The following GPC5 variants were observed in gnomAD, a reference collection of about 807,000 sequenced individuals.
GPC5 encodes the protein glypican-5.
GPC5 carries 47 observed loss-of-function variants against 53.9 expected under a neutral mutation model. The ratio of observed to expected loss-of-function variants is 0.87; its 90% CI spans 0.69 to 1.11. The LOEUF (loss-of-function observed/expected upper bound fraction) is 1.11. Among genes scored for constraint, GPC5 ranks in the 50% most tolerant of loss-of-function variants. The pLI, the probability that GPC5 is intolerant of heterozygous loss-of-function variation, is 0.00. For missense variants in GPC5, 748 were observed against 713.1 expected, an observed-to-expected ratio of 1.05 and a Z score of -0.56; for synonymous variants, 286 against 263.3, an observed-to-expected ratio of 1.09 and a Z score of -0.84.
At chr13:92,392,720 A>G (rs1026938309) in intron 7 of GPC5, among the ~76,000 whole-genome samples, 2 of 152,140 alleles carry the variant, frequency 1.3e-5, no homozygotes, top group African/African-American at 2.4e-5. Context: ...AAACAACCCT[A>G]TTAAAAAGTG....
chr13:91,687,166 T>G (rs1272513659), intron 2 of GPC5, among the ~76,000 whole-genome samples: 1 of 151,982 alleles, frequency 6.6e-6, no homozygotes, highest in Non-Finnish European at 1.5e-5. Context: ...CTTTTAGAAG[T>G]CAACTTTATC....
chr13:91,600,182 A>G (rs968226756), intron 2 of GPC5, among the ~76,000 whole-genome samples: 4 of 152,146 alleles, frequency 2.6e-5, no homozygotes, highest in Non-Finnish European at 5.9e-5. Context: ...TGGCCTCCCA[A>G]AGTGCTGTGA....
At chr13:91,888,348 C>T (rs561900252) in intron 5 of GPC5, among the ~76,000 whole-genome samples, 92 of 152,290 alleles carry the variant, frequency 6.0e-4, no homozygotes, top group African/African-American at 2.2e-3. Flanking sequence ...CAATTCAAGA[C>T]GAAATTTGGG....
intron 7 of GPC5, among the ~76,000 whole-genome samples, chr13:92,322,964 C>T (rs1373452988): frequency 3.3e-5 from 5 of 150,688 alleles, no homozygotes; most frequent in Non-Finnish European, 1.5e-5. Flanking sequence ...AAGGAGGAGA[C>T]AAAAAAAGGC....
At chr13:92,291,829 G>A (rs183162092) in intron 7 of GPC5, among the ~76,000 whole-genome samples, 2 of 151,910 alleles carry the variant, frequency 1.3e-5, no homozygotes, top group Admixed American at 1.3e-4. Flanking sequence ...AACTCCAGAC[G>A]CACTGCCTTA....
At chr13:91,987,789 A>T (rs1022535168) in intron 6 of GPC5, among the ~76,000 whole-genome samples, 69 of 145,446 alleles carry the variant, frequency 4.7e-4, no homozygotes, top group African/African-American at 1.7e-3. Context: ...TATATATAGT[A>T]TTATATTATG....
At chr13:91,839,584 A>G (rs1393022496) in intron 5 of GPC5, among the ~76,000 whole-genome samples, 1 of 152,098 alleles carries the variant, frequency 6.6e-6, no homozygotes, top group African/African-American at 2.4e-5. Flanking sequence ...AATTGTTCAG[A>G]AAGAGTTTCC....
intron 7 of GPC5, among the ~76,000 whole-genome samples, chr13:92,375,698 C>A (rs530154018): frequency 1.3e-5 from 2 of 152,160 alleles, no homozygotes; most frequent in Non-Finnish European, 2.9e-5. Flanking sequence ...AAACGGAAGG[C>A]TTGGACTCTC....
chr13:92,026,590 C>T (rs1309272764), intron 6 of GPC5, among the ~76,000 whole-genome samples: 1 of 151,638 alleles, frequency 6.6e-6, no homozygotes, highest in Non-Finnish European at 1.5e-5. Flanking sequence ...AAAAATTATC[C>T]TATTTTATAA....
At chr13:92,068,154 A>G (rs1410561851) in intron 6 of GPC5, among the ~76,000 whole-genome samples, 1 of 151,978 alleles carries the variant, frequency 6.6e-6, no homozygotes, top group African/African-American at 2.4e-5. Flanking sequence ...TCACATGTAG[A>G]TTGAACCTTG....
chr13:92,273,472 G>T (rs2042853884), intron 7 of GPC5, among the ~76,000 whole-genome samples: 1 of 151,990 alleles, frequency 6.6e-6, no homozygotes, highest in Non-Finnish European at 1.5e-5. Context: ...GATAAGGTGT[G>T]TAAAGTGTTT....
At chr13:92,182,756 C>T (rs551548809) in intron 7 of GPC5, among the ~76,000 whole-genome samples, 51 of 152,056 alleles carry the variant, frequency 3.4e-4, no homozygotes, top group Non-Finnish European at 6.3e-4. Flanking sequence ...GCAGTCCCAG[C>T]TTCTAGGGAG....
At chr13:91,617,453 A>C (rs7995427) in intron 2 of GPC5, among the ~76,000 whole-genome samples, 148,651 of 152,156 alleles carry the variant, frequency 0.98, 72,702 homozygotes, top group East Asian at 1. Context: ...AAGCAACGGA[A>C]GGACATTAGG....
intron 2 of GPC5, among the ~76,000 whole-genome samples, chr13:91,615,175 G>A (rs2033662052): frequency 6.6e-6 from 1 of 152,096 alleles, no homozygotes; most frequent in Non-Finnish European, 1.5e-5. Flanking sequence ...AGCCAAGGTG[G>A]ACACTTATTT....
intron 6 of GPC5, among the ~76,000 whole-genome samples, chr13:92,105,842 C>T (rs1205672087): frequency 2.6e-5 from 4 of 151,978 alleles, no homozygotes; most frequent in African/African-American, 9.7e-5. Context: ...AGATCTGGCA[C>T]ATTTTTAGCA....
At chr13:91,912,677 T>C (rs1014252525) in intron 6 of GPC5, among the ~76,000 whole-genome samples, 7 of 152,310 alleles carry the variant, frequency 4.6e-5, no homozygotes, top group East Asian at 3.9e-4. Flanking sequence ...TCCTATCATA[T>C]GGAAAGATTA....
intron 7 of GPC5, among the ~76,000 whole-genome samples, chr13:92,372,319 A>C (rs1053408625): frequency 6.6e-6 from 1 of 152,194 alleles, no homozygotes; most frequent in African/African-American, 2.4e-5. Flanking sequence ...TTTAGCAAAA[A>C]GTTTATCCTC....
At chr13:92,392,591 G>T (rs1372594929) in intron 7 of GPC5, among the ~76,000 whole-genome samples, 1 of 152,130 alleles carries the variant, frequency 6.6e-6, no homozygotes, top group Non-Finnish European at 1.5e-5. Flanking sequence ...CACAGCAGAA[G>T]AAACTATGAA....
At chr13:92,400,878 A>C (rs1471499760) in intron 7 of GPC5, among the ~76,000 whole-genome samples, 3 of 152,178 alleles carry the variant, frequency 2.0e-5, no homozygotes, top group Non-Finnish European at 4.4e-5. Flanking sequence ...GAACATTTGT[A>C]TATGGTACAT....
Sources: allele counts gnomAD v4.1 joint callset (sites outside exome capture counted in the v4.1 genomes callset), GRCh38; gene constraint gnomAD v4.1.1; transcripts MANE v1.5; gene names NCBI Gene and HGNC (gene_info 2026-07-23, HGNC 2026-07-21).